TGFBR3: variants seen among roughly 807,000 people sequenced by gnomAD.
TGFBR3 encodes the protein transforming growth factor beta receptor type 3.
TGFBR3 carries 46 observed loss-of-function variants against 87.9 expected under a neutral mutation model. That is an observed-to-expected ratio of 0.52 (90% CI 0.41 to 0.67). The LOEUF (loss-of-function observed/expected upper bound fraction) is 0.67. TGFBR3 is among the 30% of genes least tolerant of loss of function. The pLI is 0.00. For missense variants in TGFBR3, 866 were observed against 1,041.9 expected, an observed-to-expected ratio of 0.83 and a Z score of 2.32; for synonymous variants, 381 against 391.6, an observed-to-expected ratio of 0.97 and a Z score of 0.32.
intron 14 of TGFBR3, among the ~76,000 whole-genome samples, chr1:91,704,812 T>C (rs1414648664): frequency 6.6e-6 from 1 of 152,204 alleles, no homozygotes; most frequent in Non-Finnish European, 1.5e-5. Context: ...TTAAAAACAG[T>C]GGCCCAGAGG....
chr1:91,811,950 C>T (rs879293090), intron 2 of TGFBR3, among the ~76,000 whole-genome samples: 9 of 151,190 alleles, frequency 6.0e-5, no homozygotes, highest in Non-Finnish European at 1.0e-4. Flanking sequence ...TTCAGAAATC[C>T]GTGTGTGTTA....
At chr1:91,854,034 C>A (rs1255653215) in intron 2 of TGFBR3, among the ~76,000 whole-genome samples, 1 of 152,094 alleles carries the variant, frequency 6.6e-6, no homozygotes, top group Admixed American at 6.6e-5. Context: ...AAAAGTCAAA[C>A]TCATAGAAAC....
chr1:91,785,178 A>G (rs566100108), intron 3 of TGFBR3, among the ~76,000 whole-genome samples: 5 of 152,382 alleles, frequency 3.3e-5, no homozygotes, highest in African/African-American at 1.2e-4. Flanking sequence ...ACATGCTACA[A>G]CATCGAGGAA....
At chr1:91,809,837 T>C (rs573711559) in intron 2 of TGFBR3, among the ~76,000 whole-genome samples, 1 of 152,266 alleles carries the variant, frequency 6.6e-6, no homozygotes, top group Admixed American at 6.5e-5. Context: ...AGAGCTGACA[T>C]TTGCAGAGAA....
At chr1:91,849,684 C>G (rs886909464) in intron 2 of TGFBR3, among the ~76,000 whole-genome samples, 4 of 152,198 alleles carry the variant, frequency 2.6e-5, no homozygotes, top group Non-Finnish European at 4.4e-5. Context: ...GTTTTGTTTA[C>G]TACTATCTCT....
rs201928390 is a variant in TGFBR3, at chr1:91,709,630, G to C, written c.2167-847C>G. ...TGTGCCCAGGTTGTGGAGGCCATGA[G>C]ATTAGCCGCTTCAAACCTATTAATG... On this transcript the variant is annotated intron_variant, in intron 13 of 16. Transcript: ENST00000212355. 3.9e-5 allele frequency among the ~76,000 whole-genome samples: 6 copies of C among 152,306 alleles called. No homozygotes were observed. The East Asian group carries it at 1.2e-3, about 29-fold the overall frequency.
At chr1:91,891,966 T>C (rs1679460562) in intron 2 of TGFBR3, among the ~76,000 whole-genome samples, 1 of 152,084 alleles carries the variant, frequency 6.6e-6, no homozygotes, top group Admixed American at 6.6e-5. Flanking sequence ...TGAGAAAAAA[T>C]ACAATCAGAT....
chr1:91,777,982 A>C (rs1674625432), intron 3 of TGFBR3, among the ~76,000 whole-genome samples: 1 of 152,220 alleles, frequency 6.6e-6, no homozygotes, highest in Admixed American at 6.5e-5. Flanking sequence ...AATAAAAGAA[A>C]GACAGGGAAA....
rs533806602 is a variant in TGFBR3, at chr1:91,882,138, C to CT, written c.-114+3739dup. ...AAAACTACAGACAAAAATTGAAAAC[C>CT]TTTTTTTTTTTTTTTTTTGAGACAG... On this transcript the variant is annotated intron_variant, in intron 1 of 16. Transcript: ENST00000212355. Among the ~76,000 whole-genome samples, 512 of 129,594 alleles carry CT rather than the reference C, an allele frequency of 4.0e-3. 4 individuals carry two copies. Among genetic ancestry groups the CT allele is most frequent in the African/African-American group, 0.011 (362 of 34,378 alleles). The allele number at this position is 129,594 out of a possible 152,430, so 85.0% of individuals were successfully genotyped here.
intron 14 of TGFBR3, among the ~76,000 whole-genome samples, chr1:91,704,425 G>A (rs1431894430): frequency 1.3e-5 from 2 of 152,080 alleles, no homozygotes; most frequent in Non-Finnish European, 2.9e-5. Context: ...CTAGTTTTCA[G>A]TAAAAACTAG....
chr1:91,782,722 C>T (rs1674819157), intron 3 of TGFBR3, among the ~76,000 whole-genome samples: 1 of 142,934 alleles, frequency 7.0e-6, no homozygotes, highest in Non-Finnish European at 1.5e-5. Flanking sequence ...ATGGCGAGGG[C>T]TGAGAGGTAC....
chr1:91,847,732 C>T (rs928194767), intron 2 of TGFBR3, among the ~76,000 whole-genome samples: 1 of 152,036 alleles, frequency 6.6e-6, no homozygotes, highest in Non-Finnish European at 1.5e-5. Flanking sequence ...CCAGAGCCAC[C>T]CTCGCTAACC....
chr1:91,746,618 C>CT (rs962684343), intron 4 of TGFBR3, among the ~76,000 whole-genome samples: 11 of 149,378 alleles, frequency 7.4e-5, no homozygotes, highest in African/African-American at 1.9e-4. Flanking sequence ...GGAAGACTCT[C>CT]TTTTTTTTTC....
chr1:91,779,114 G>A (rs899077039), intron 3 of TGFBR3, among the ~76,000 whole-genome samples: 3 of 152,104 alleles, frequency 2.0e-5, no homozygotes, highest in Non-Finnish European at 2.9e-5. Flanking sequence ...TGGGGATTGC[G>A]CATTTTCATT....
chr1:91,721,495 A>G (rs1026011562), intron 8 of TGFBR3, among the ~76,000 whole-genome samples: 2 of 152,190 alleles, frequency 1.3e-5, no homozygotes, highest in Non-Finnish European at 2.9e-5. Flanking sequence ...AGAAAACCTC[A>G]AGAATTTGTT....
At chr1:91,752,622 A>G (rs991007058) in intron 4 of TGFBR3, among the ~76,000 whole-genome samples, 3 of 152,152 alleles carry the variant, frequency 2.0e-5, no homozygotes, top group Admixed American at 6.5e-5. Context: ...AAAGCCAGGC[A>G]CTAGGGTCTC....
At chr1:91,698,613 C>A (rs1303519414) in intron 14 of TGFBR3, among the ~76,000 whole-genome samples, 1 of 150,762 alleles carries the variant, frequency 6.6e-6, no homozygotes, top group Non-Finnish European at 1.5e-5. Flanking sequence ...GGCAATCCTT[C>A]CATTTTAGCC....
chr1:91,782,792 C>T (rs1002247184), intron 3 of TGFBR3, among the ~76,000 whole-genome samples: 2 of 152,176 alleles, frequency 1.3e-5, no homozygotes, highest in East Asian at 3.9e-4. Flanking sequence ...ACCTCTCTGC[C>T]CCTCTCCCCC....
chr1:91,789,943 A>G (rs1192530), intron 3 of TGFBR3, among the ~76,000 whole-genome samples: 73,276 of 152,058 alleles, frequency 0.48, 18,011 homozygotes, highest in Middle Eastern at 0.59. Context: ...TTTATATAAT[A>G]TGAGTGTCCT....
Sources: gnomAD v4.1 joint callset for allele counts (sites outside exome capture counted in the v4.1 genomes callset) on GRCh38, gnomAD v4.1.1 for gene constraint, MANE v1.5 for transcripts, NCBI Gene and HGNC (gene_info 2026-07-23, HGNC 2026-07-21) for gene names.